Variants in CRB2 observed in about 807,000 individuals in gnomAD.
The protein encoded by CRB2 is crumbs cell polarity complex component 2.
CRB2 carries 85 observed loss-of-function variants against 110.9 expected under a neutral mutation model. The ratio of observed to expected loss-of-function variants is 0.77; its 90% CI spans 0.64 to 0.92. CRB2 has a LOEUF of 0.92. CRB2 is among the 40% of genes least tolerant of loss of function. The pLI is 0.00. For synonymous variants in CRB2, 907 were observed against 831.0 expected (o/e 1.09, Z -1.57); for missense variants, 1,843 against 1,851.3 (o/e 1.00, Z 0.08).
At chr9:123,371,599 G>A (rs1485250824) in intron 8 of CRB2, 21 bp downstream of exon 8, 1 of 1,610,254 alleles carries the variant, frequency 6.2e-7, no homozygotes, top group East Asian at 2.2e-5. Context: ...GGTGGCGGTG[G>A]TGGTGGTGGG....
At position 123,377,280 on chromosome 9, in the gene CRB2, C is replaced by T. The variant is rs1035181512; in HGVS notation, c.*218C>T. 12 of 559,246 alleles carry T rather than the reference C, an allele frequency of 2.1e-5. No individual in the cohort carries two copies. The highest frequency in any genetic ancestry group is 3.3e-5 in the Admixed American group (1 of 30,392). The allele number at this position is 559,246 out of a possible 1,614,324, so 34.6% of individuals were successfully genotyped here. On this transcript the variant is annotated 3_prime_UTR_variant, in exon 13 of 13. Transcript: ENST00000373631. ...GCTGCGGACTTCTCCATCCCACCCT[C>T]GGGGTTCCGCCTTGGCAGGTGTACG...
chr9:123,374,223 T>C (rs115192396), intron 10 of CRB2: 13,561 of 596,654 alleles, frequency 0.023, 443 homozygotes, highest in African/African-American at 0.11. Flanking sequence ...GGTCAGGCTT[T>C]GGCGCTTCCC....
chr9:123,368,834 TC>T (rs1190075242), intron 6 of CRB2: 4 of 1,245,030 alleles, frequency 3.2e-6, no homozygotes, highest in East Asian at 7.1e-5. Context: ...CTCTGCCTCC[TC>T]CCCACTTCCC....
rs1467860347 is a variant in CRB2 at position 123,373,247 on chromosome 9, G to C, written c.2716G>C (p.Glu906Gln). The C allele has an allele frequency of 6.7e-7, 1 of 1,502,514 alleles. No individual in the cohort carries two copies. Among genetic ancestry groups the C allele is most frequent in the South Asian group, 1.2e-5 (1 of 80,920 alleles). The allele number at this position is 1,502,514 out of a possible 1,614,324, so 93.1% of individuals were successfully genotyped here. A position where few individuals can be genotyped will look rare whatever the true frequency, so the allele number is the denominator to read the frequency against. The change falls in exon 10 of 13, where the codon GAG (glutamate) becomes CAG (glutamine). Residue 906 changes from glutamate (E) to glutamine (Q), a missense_variant. Glu to Gln is a conservative substitution (Grantham distance 29). Transcript: ENST00000373631. ...LSLAFRTRDS[E>Q]AWLLRAAAGA... ...GCTGGCCTTTCGCACGCGCGACTCC[G>C]AGGCCTGGCTGCTGCGTGCCGCGGC...
intron 6 of CRB2, 48 bp from the exon 7 acceptor site, chr9:123,370,060 G>T: frequency 6.5e-7 from 1 of 1,543,150 alleles, no homozygotes; most frequent in South Asian, 1.3e-5. Flanking sequence ...TCAGTACTGT[G>T]ATTCTGGCCC....
Position 123,373,611 on chromosome 9 carries a change from C to G in CRB2, c.3080C>G (p.Ala1027Gly). Reference protein sequence around the residue: ...VALGGLPLPLARPRPGAAPGA... With the variant: ...VALGGLPLPLGRPRPGAAPGA... ...CTGGGCGGCCTGCCCCTGCCCTTGG[C>G]GCGGCCCCGGCCCGGCGCGGCCCCT... The change falls in exon 10 of 13, where the codon GCG becomes GGG. Residue 1027 changes from alanine to glycine, a missense_variant. Transcript: ENST00000373631. The G allele has an allele frequency of 7.3e-7, 1 of 1,365,238 alleles. No homozygotes were observed. The highest frequency in any genetic ancestry group is 1.8e-5 in the South Asian group (1 of 56,924). 84.6% of individuals were successfully genotyped at this position (1,365,238 alleles called of 1,614,324 possible). A position where few individuals can be genotyped will look rare whatever the true frequency, so the allele number is the denominator to read the frequency against.
chr9:123,369,677 C>T (rs1447707388), intron 6 of CRB2, among the ~76,000 whole-genome samples: 1 of 152,124 alleles, frequency 6.6e-6, no homozygotes, highest in Non-Finnish European at 1.5e-5. Flanking sequence ...ATGAGGGTGT[C>T]TTAAATGTCA....
At chr9:123,367,807 G>T (rs989272440) in intron 6 of CRB2, 121 bp downstream of exon 6, 5 of 689,842 alleles carry the variant, frequency 7.2e-6, no homozygotes, top group Non-Finnish European at 1.2e-5. Context: ...GGTGGGTATG[G>T]TGGCCCAGGT....
intron 10 of CRB2, 167 bp downstream of exon 10, chr9:123,374,087 C>A: frequency 1.0e-6 from 1 of 959,478 alleles, no homozygotes; most frequent in Non-Finnish European, 1.6e-6. Context: ...TGATAAAATA[C>A]AGATCAAAAC....
chr9:123,366,394 C>T (rs372736931), intron 4 of CRB2, 28 bp downstream of exon 4: 803 of 1,524,702 alleles, frequency 5.3e-4, no homozygotes, highest in Non-Finnish European at 6.6e-4. Flanking sequence ...CGCGGCCTGG[C>T]GGGGGGAGGG....
intron 1 of CRB2, among the ~76,000 whole-genome samples, chr9:123,356,939 A>T (rs2041807255): frequency 6.6e-6 from 1 of 152,010 alleles, no homozygotes; most frequent in African/African-American, 2.4e-5. Context: ...TTTGCTCTCA[A>T]CATGAGGGGT....
At chr9:123,372,900 T>A (rs2042036729) in intron 9 of CRB2, among the ~76,000 whole-genome samples, 1 of 152,152 alleles carries the variant, frequency 6.6e-6, no homozygotes, top group Non-Finnish European at 1.5e-5. Context: ...CGCCTAGGCA[T>A]CACGCCCCAC....
rs1037363391 is a variant in CRB2 at position 123,361,958 on chromosome 9, C to T, written c.95-907C>T. On this transcript the variant is annotated intron_variant, in intron 1 of 12. Transcript: ENST00000373631. ...GGATCTCTGGGCGTGGCTTCCAAGC[C>T]GGTTGGTGACCCTCTGTTAGAGCCC... Among the ~76,000 whole-genome samples, 14 of 152,260 alleles carry T rather than the reference C, an allele frequency of 9.2e-5. 1 individual carries two copies. Among genetic ancestry groups the T allele is most frequent in the Admixed American group, 3.3e-4 (5 of 15,292 alleles).
Position 123,375,237 on chromosome 9 carries a change from CCT to C in CRB2, c.3528_3529del (p.Cys1177Ter). On this transcript the variant is annotated frameshift_variant, in exon 12 of 13. Transcript: ENST00000373631. LOFTEE classifies it high-confidence loss of function. The stretch of plus-strand genomic sequence containing the variant: ...TCCAGGTGTCAGGTCCCCACTCTCC[CCT>C]GTGAAGCCAACCCCTGCTTGAATGG... 2.5e-6 allele frequency: 4 copies of C among 1,612,612 alleles called. No homozygotes were observed. The highest frequency in any genetic ancestry group is 1.3e-5 in the African/African-American group (1 of 74,994).
At position 123,373,189 on chromosome 9, in the gene CRB2, C is replaced by T. The variant is rs1050563688; in HGVS notation, c.2658C>T (p.Asn886=). 9 of 1,514,180 alleles carry T rather than the reference C, an allele frequency of 5.9e-6. No individual in the cohort carries two copies. The highest frequency in any genetic ancestry group is 2.9e-5 in the African/African-American group (2 of 69,838). 93.8% of individuals were successfully genotyped at this position (1,514,180 alleles called of 1,614,324 possible). ...EGPPAAFSGH[N]ASSGRLLGGL... is the part of the protein sequence containing the mutation. ...CCCCCGCCGCGTTCAGCGGGCACAACGCGTCGTCAGGGCGCTTGCTCGGCG... is the reference window on the plus strand; with the variant it reads ...CCCCCGCCGCGTTCAGCGGGCACAATGCGTCGTCAGGGCGCTTGCTCGGCG... The change falls in exon 10 of 13, where the codon AAC becomes AAT. Residue 886 remains asparagine (N), a synonymous_variant. Transcript: ENST00000373631.
intron 1 of CRB2, among the ~76,000 whole-genome samples, chr9:123,362,435 C>G (rs1564369202): frequency 6.6e-6 from 1 of 152,218 alleles, no homozygotes; most frequent in African/African-American, 2.4e-5. Context: ...CCAGCGAACA[C>G]TAACTTGCTG....
In CRB2 at chr9:123,371,535, C is replaced by T. The variant is rs762122519; in HGVS notation, c.2393C>T (p.Ser798Phe). ...SQPSELGGRQ[S>F]WNLTAGCVSE... Reference sequence around the variant, plus strand: ...CCCAGCGAGCTCGGCGGCAGGCAGTCCTGGAACCTCACTGCGGGCTGCGTC... The same window carrying T: ...CCCAGCGAGCTCGGCGGCAGGCAGTTCTGGAACCTCACTGCGGGCTGCGTC... The change falls in exon 8 of 13, where the codon TCC becomes TTC. Residue 798 changes from serine to phenylalanine, a missense_variant. Ser to Phe is a radical substitution (Grantham distance 155, BLOSUM62 -2). Coordinates refer to ENST00000373631, the MANE Select transcript of CRB2 (RefSeq NM_173689.7). 1 of 1,613,160 alleles carries T rather than the reference C, an allele frequency of 6.2e-7. No homozygotes were observed.
rs767583661 is a variant in CRB2, at chr9:123,370,833, G to A, written c.1780G>A (p.Asp594Asn). 2 of 1,606,398 alleles carry A rather than the reference G, an allele frequency of 1.2e-6. No individual in the cohort carries two copies. The highest frequency in any genetic ancestry group is 1.3e-5 in the African/African-American group (1 of 75,002). Reference protein sequence around the residue: ...RVDGHLLLPEDLGENVLLGCE... With the variant: ...RVDGHLLLPENLGENVLLGCE... ...GGATGGCCACCTCCTGCTGCCTGAG[G>A]ATCTCGGTGAGAACGTCCTCCTGGG... The change falls in exon 7 of 13, where the codon GAT (aspartate) becomes AAT (asparagine). Residue 594 changes from aspartate (D) to asparagine (N), a missense_variant. Asp to Asn is a conservative substitution (Grantham distance 23, BLOSUM62 1). Transcript: ENST00000373631.
intron 1 of CRB2, among the ~76,000 whole-genome samples, chr9:123,357,850 G>A (rs1238676082): frequency 1.3e-5 from 2 of 152,244 alleles, no homozygotes; most frequent in Non-Finnish European, 2.9e-5. Context: ...GCATGTGCCT[G>A]CACACCAATG....
Sources: gnomAD v4.1 joint callset for allele counts (sites outside exome capture counted in the v4.1 genomes callset) on GRCh38, gnomAD v4.1.1 for gene constraint, MANE v1.5 for transcripts, NCBI Gene and HGNC (gene_info 2026-07-23, HGNC 2026-07-21) for gene names.